DGKB: variants seen among roughly 807,000 people sequenced by gnomAD.
DGKB encodes diacylglycerol kinase beta, also known as 90 kDa diacylglycerol kinase.
DGKB carries 67 observed loss-of-function variants against 114.3 expected under a neutral mutation model. The observed-to-expected ratio is 0.59, with a 90% confidence interval of 0.48 to 0.72. The LOEUF (loss-of-function observed/expected upper bound fraction) is 0.72, where lower values mean the gene tolerates loss of function less well. Among genes scored for constraint, DGKB ranks in the 30% least tolerant of loss-of-function variants. The probability of loss-of-function intolerance (pLI) is 0.00; values close to 1 mark genes in which losing one functional copy is unlikely to be tolerated. For missense variants in DGKB, 907 were observed against 975.2 expected (o/e 0.93, Z 0.93); for synonymous variants, 398 against 323.1 (o/e 1.23, Z -2.49).
chr7:14,704,346 G>A (rs1000083145), intron 6 of DGKB, among the ~76,000 whole-genome samples: 9 of 150,534 alleles, frequency 6.0e-5, no homozygotes, highest in Admixed American at 2.0e-4. Flanking sequence ...TACGCGGGAG[G>A]CTGAGGCAGG....
chr7:14,279,606 T>A (rs906118699), intron 23 of DGKB, among the ~76,000 whole-genome samples: 2 of 152,088 alleles, frequency 1.3e-5, no homozygotes, highest in Non-Finnish European at 2.9e-5. Flanking sequence ...GCTTGTAGGG[T>A]TTCTGCTGAG....
chr7:14,553,604 C>A (rs147391507), intron 20 of DGKB, among the ~76,000 whole-genome samples: 1 of 152,200 alleles, frequency 6.6e-6, no homozygotes, highest in Admixed American at 6.5e-5. Context: ...TAAAAGGCAG[C>A]ACTGTAGAAC....
chr7:14,538,596 T>G (rs2128612983), intron 20 of DGKB, among the ~76,000 whole-genome samples: 1 of 152,256 alleles, frequency 6.6e-6, no homozygotes, highest in African/African-American at 2.4e-5. Flanking sequence ...AAAAAAAAAT[T>G]GAACTACCAT....
intron 23 of DGKB, among the ~76,000 whole-genome samples, chr7:14,330,598 T>G (rs544649997): frequency 1.3e-5 from 2 of 152,022 alleles, no homozygotes; most frequent in Non-Finnish European, 2.9e-5. Flanking sequence ...AAAATTATAC[T>G]GCACACCAGA....
chr7:14,242,341 T>A (rs10441026), intron 23 of DGKB, among the ~76,000 whole-genome samples: 1 of 151,938 alleles, frequency 6.6e-6, no homozygotes, highest in African/African-American at 2.4e-5. Flanking sequence ...CCTTACATTG[T>A]CCTGAAAGTG....
intron 13 of DGKB, among the ~76,000 whole-genome samples, chr7:14,634,075 G>T (rs1362879857): frequency 6.6e-6 from 1 of 151,002 alleles, no homozygotes; most frequent in African/African-American, 2.4e-5. Context: ...ACATTAAAAG[G>T]GTCATTAGTT....
chr7:14,355,628 A>T (rs1414749577), intron 21 of DGKB, among the ~76,000 whole-genome samples: 1 of 152,160 alleles, frequency 6.6e-6, no homozygotes, highest in African/African-American at 2.4e-5. Flanking sequence ...GGATGAAGCC[A>T]ACTTGATCAT....
chr7:14,781,544 T>C (rs1015733200), intron 2 of DGKB, among the ~76,000 whole-genome samples: 15 of 152,206 alleles, frequency 9.9e-5, no homozygotes, highest in Non-Finnish European at 8.8e-5. Context: ...CATTTTCTCT[T>C]AATCACAATT....
At chr7:14,908,316 G>A (rs1053933094), upstream of DGKB, among the ~76,000 whole-genome samples, 2 of 152,072 alleles carry the variant, frequency 1.3e-5, no homozygotes, top group Admixed American at 6.6e-5. Flanking sequence ...ACACGCTGGA[G>A]GCCATTTAGG....
intron 12 of DGKB, among the ~76,000 whole-genome samples, chr7:14,677,923 G>T (rs1372898038): frequency 6.6e-6 from 1 of 151,978 alleles, no homozygotes; most frequent in East Asian, 1.9e-4. Flanking sequence ...TTCATTCTAA[G>T]AGCCTAACTT....
chr7:14,536,269 A>G lies in DGKB; in HGVS notation c.1770+37943T>C, dbSNP rs78737793. 0.028 allele frequency among the ~76,000 whole-genome samples: 4,302 copies of G among 152,258 alleles called. 267 individuals are homozygous for G. In the East Asian group the frequency reaches 0.29, roughly 10 times the overall value. On this transcript the variant is annotated intron_variant, in intron 20 of 25. Coordinates refer to ENST00000402815, the MANE Select transcript of DGKB (RefSeq NM_001350709.2). ...CCTTTTAAAAGTCTTCCAAAAATAT[A>G]GAAGGGATAAGGAATACTTCCAAAC... is the stretch of plus-strand genomic sequence containing the variant.
intron 20 of DGKB, among the ~76,000 whole-genome samples, chr7:14,495,924 A>G (rs1481281895): frequency 2.0e-5 from 3 of 151,580 alleles, no homozygotes; most frequent in African/African-American, 7.3e-5. Flanking sequence ...TTGACCACAC[A>G]AAAAAAAGAG....
intron 23 of DGKB, among the ~76,000 whole-genome samples, chr7:14,203,836 G>A (rs1245678361): frequency 6.6e-6 from 1 of 151,970 alleles, no homozygotes; most frequent in African/African-American, 2.4e-5. Flanking sequence ...AGGATGTCCA[G>A]TTTTCACCTA....
intron 5 of DGKB, among the ~76,000 whole-genome samples, chr7:14,725,596 C>G (rs1456383610): frequency 1.3e-5 from 2 of 151,630 alleles, no homozygotes; most frequent in South Asian, 2.1e-4. Context: ...TCTCTGATGC[C>G]CAGGCTGGAG....
At chr7:14,833,848 A>T (rs555372541) in intron 2 of DGKB, among the ~76,000 whole-genome samples, 3 of 152,014 alleles carry the variant, frequency 2.0e-5, no homozygotes, top group Admixed American at 1.3e-4. Context: ...TTTCTATTCA[A>T]ATTAAAACCC....
At chr7:14,882,674 A>C (rs1854420245) in intron 1 of DGKB, among the ~76,000 whole-genome samples, 1 of 151,924 alleles carries the variant, frequency 6.6e-6, no homozygotes, top group South Asian at 2.1e-4. Context: ...CCCACTTATG[A>C]GTAAGAGTAT....
At chr7:14,884,966 A>G (rs1369228684) in intron 1 of DGKB, among the ~76,000 whole-genome samples, 1 of 151,992 alleles carries the variant, frequency 6.6e-6, no homozygotes, top group East Asian at 1.9e-4. Flanking sequence ...ACAAAAAACT[A>G]AGGACTTTAG....
intron 12 of DGKB, among the ~76,000 whole-genome samples, chr7:14,679,116 C>A (rs768386426): frequency 2.1e-4 from 32 of 151,870 alleles, no homozygotes; most frequent in Admixed American, 8.6e-4. Flanking sequence ...CTGACTCAGA[C>A]TGGACAACTA....
At chr7:14,448,858 G>T (rs774326512) in intron 21 of DGKB, among the ~76,000 whole-genome samples, 21 of 152,076 alleles carry the variant, frequency 1.4e-4, no homozygotes, top group Admixed American at 1.1e-3. Context: ...AACCGAGTCA[G>T]ATTTTAAGAT....
Sources: gnomAD v4.1 joint callset for allele counts (sites outside exome capture counted in the v4.1 genomes callset) on GRCh38, gnomAD v4.1.1 for gene constraint, MANE v1.5 for transcripts, NCBI Gene and HGNC (gene_info 2026-07-23, HGNC 2026-07-21) for gene names.